KCNN3: variants seen among roughly 807,000 people sequenced by gnomAD.
KCNN3 encodes small conductance calcium-activated potassium channel protein 3.
Under a neutral mutation model 62.9 loss-of-function variants are expected in KCNN3, and 16 were observed. The observed-to-expected ratio is 0.25, with a 90% CI of 0.17 to 0.39. The LOEUF (loss-of-function observed/expected upper bound fraction) is 0.39. Ranked by LOEUF, KCNN3 falls within the 10% of genes least tolerant of loss-of-function variation. The probability of loss-of-function intolerance (pLI) is 1.00; values close to 1 mark genes in which losing one functional copy is unlikely to be tolerated. For synonymous variants in KCNN3, 370 were observed against 389.2 expected (o/e 0.95, Z 0.58); for missense variants, 599 against 949.4 (o/e 0.63, Z 4.85).
intron 1 of KCNN3, among the ~76,000 whole-genome samples, chr1:154,865,061 G>C (rs549689651): frequency 6.6e-6 from 1 of 152,252 alleles, no homozygotes; most frequent in East Asian, 1.9e-4. Context: ...GGCAGGGTCA[G>C]GGTGGTGAAG....
chr1:154,857,120 A>G (rs550204437), intron 1 of KCNN3, among the ~76,000 whole-genome samples: 1 of 152,224 alleles, frequency 6.6e-6, no homozygotes, highest in East Asian at 1.9e-4. Context: ...CCCAGAACCA[A>G]CCAGAACACG....
At chr1:154,787,796 G>A (rs558432232) in intron 2 of KCNN3, among the ~76,000 whole-genome samples, 5 of 152,282 alleles carry the variant, frequency 3.3e-5, no homozygotes, top group South Asian at 4.2e-4. Context: ...ATATCCAGAC[G>A]CCCAGAGTCC....
intron 3 of KCNN3, among the ~76,000 whole-genome samples, chr1:154,767,542 C>T (rs1648351330): frequency 6.6e-6 from 1 of 152,384 alleles, no homozygotes; most frequent in Non-Finnish European, 1.5e-5. Context: ...GGCCACTGCA[C>T]TGCTCAAGGC....
intron 3 of KCNN3, among the ~76,000 whole-genome samples, chr1:154,741,702 T>C (rs1242631999): frequency 8.6e-6 from 1 of 116,336 alleles, no homozygotes. Context: ...TTTTTAAAAC[T>C]AGTTTTGTAA....
At chr1:154,774,493 G>T (rs1231612566) in intron 2 of KCNN3, among the ~76,000 whole-genome samples, 1 of 152,220 alleles carries the variant, frequency 6.6e-6, no homozygotes, top group Non-Finnish European at 1.5e-5. Context: ...ATCCAGCTCC[G>T]ATGATTTGAT....
intron 4 of KCNN3, among the ~76,000 whole-genome samples, chr1:154,729,997 T>G (rs1285658915): frequency 6.6e-6 from 1 of 152,246 alleles, no homozygotes; most frequent in Non-Finnish European, 1.5e-5. Flanking sequence ...GAGGCTAGAT[T>G]GAAACAAAGT....
intron 2 of KCNN3, among the ~76,000 whole-genome samples, chr1:154,801,566 T>A (rs1649954744): frequency 6.6e-6 from 1 of 152,222 alleles, no homozygotes; most frequent in Non-Finnish European, 1.5e-5. Context: ...GGAATCTATT[T>A]CTTATCCTTT....
rs1027268218 is a variant in KCNN3, at chr1:154,781,243, C to T, written c.1030-8850G>A. The stretch of plus-strand genomic sequence containing the variant: ...AGAAAGCCAAGTTTCGGCATTTGAG[C>T]GAGCCACTATTTTTTACTCACGTAG... On this transcript the variant is annotated intron_variant, in intron 2 of 7. Transcript: ENST00000271915. Among the ~76,000 whole-genome samples, 9 of 152,230 alleles carry T rather than the reference C, an allele frequency of 5.9e-5. No homozygotes were observed. The South Asian group carries it at 1.0e-3, about 18-fold the overall frequency.
At chr1:154,720,040 T>C (rs1021170780) in intron 5 of KCNN3, among the ~76,000 whole-genome samples, 1 of 152,240 alleles carries the variant, frequency 6.6e-6, no homozygotes, top group Non-Finnish European at 1.5e-5. Flanking sequence ...GCTATTTATG[T>C]GATACTCAGT....
chr1:154,726,126 G>T, intron 4 of KCNN3, 100 bp from the exon 5 acceptor site: 1 of 834,958 alleles, frequency 1.2e-6, no homozygotes, highest in South Asian at 1.5e-5. Context: ...GTAATTTCCT[G>T]GGAGTGGAGT....
chr1:154,801,041 A>G (rs900227771), intron 2 of KCNN3, among the ~76,000 whole-genome samples: 4 of 152,124 alleles, frequency 2.6e-5, no homozygotes, highest in Non-Finnish European at 4.4e-5. Context: ...CCGCTCAAAA[A>G]GAGAAAGAAA....
chr1:154,826,043 T>G (rs1170920949), intron 1 of KCNN3, among the ~76,000 whole-genome samples: 2 of 127,754 alleles, frequency 1.6e-5, no homozygotes, highest in African/African-American at 6.4e-5. Context: ...CGAGACTCCA[T>G]CTTAAAAAAA....
intron 2 of KCNN3, among the ~76,000 whole-genome samples, chr1:154,800,801 T>C (rs1396749754): frequency 6.6e-6 from 1 of 152,090 alleles, no homozygotes; most frequent in Non-Finnish European, 1.5e-5. Flanking sequence ...TCCCAGCACT[T>C]TGGGAGGCCA....
At chr1:154,746,117 T>C (rs977377862) in intron 3 of KCNN3, among the ~76,000 whole-genome samples, 1 of 152,194 alleles carries the variant, frequency 6.6e-6, no homozygotes, top group Non-Finnish European at 1.5e-5. Context: ...ACTTAGTAAA[T>C]GAGTTCATTT....
intron 1 of KCNN3, among the ~76,000 whole-genome samples, chr1:154,849,665 C>T (rs1024866391): frequency 6.6e-6 from 1 of 152,210 alleles, no homozygotes; most frequent in Non-Finnish European, 1.5e-5. Context: ...GAGGCAGCCC[C>T]CTTGGGAAAG....
rs115186184 is a variant in KCNN3 at position 154,788,821 on chromosome 1, C to T, written c.1030-16428G>A. Among the ~76,000 whole-genome samples, 346 of 152,314 alleles carry T rather than the reference C, an allele frequency of 2.3e-3. 3 individuals carry two copies. Among genetic ancestry groups the T allele is most frequent in the African/African-American group, 7.9e-3 (330 of 41,550 alleles). On this transcript the variant is annotated intron_variant, in intron 2 of 7. Coordinates refer to ENST00000271915, the MANE Select transcript of KCNN3 (RefSeq NM_002249.6). ...AGTCTCAATGACTTACACATACTAG[C>T]TTCTTTACTCCTCATAGCAGCCCTT...
intron 2 of KCNN3, among the ~76,000 whole-genome samples, chr1:154,775,504 A>G (rs1461513308): frequency 6.6e-6 from 1 of 152,128 alleles, no homozygotes; most frequent in Non-Finnish European, 1.5e-5. Flanking sequence ...ACTACAAAGG[A>G]TCATTTGTTC....
chr1:154,746,702 C>T (rs1408023519), intron 3 of KCNN3, among the ~76,000 whole-genome samples: 5 of 152,116 alleles, frequency 3.3e-5, no homozygotes, highest in Admixed American at 6.5e-5. Context: ...CTGTGAGGAC[C>T]CACAGAGGAA....
Position 154,772,997 on chromosome 1 carries a change from GTGTTT to G in KCNN3, c.1030-609_1030-605del, listed in dbSNP as rs1465816792. ...ACCTCCACAAAATCCCAAAAAGACA[GTGTTT>G]TGTTTTGTTTTTTTAACTTTTATTT... On this transcript the variant is annotated intron_variant, in intron 2 of 7. Coordinates refer to ENST00000271915, the MANE Select transcript of KCNN3 (RefSeq NM_002249.6). The surrounding 1 kb of genome is among the most constrained non-coding windows in gnomAD (Gnocchi z 5.6). 2.6e-5 allele frequency among the ~76,000 whole-genome samples: 4 copies of G among 152,158 alleles called. No homozygotes were observed. Among genetic ancestry groups the G allele is most frequent in the Non-Finnish European group, 5.9e-5 (4 of 68,030 alleles).
Sources: allele counts gnomAD v4.1 joint callset (sites outside exome capture counted in the v4.1 genomes callset), GRCh38; gene constraint gnomAD v4.1.1; non-coding constraint Gnocchi (gnomAD v3.1); transcripts MANE v1.5; gene names NCBI Gene and HGNC (gene_info 2026-07-23, HGNC 2026-07-21).